The following CACNB1 variants were observed in gnomAD, a reference collection of about 807,000 sequenced individuals.
The protein encoded by CACNB1 is calcium voltage-gated channel auxiliary subunit beta 1, also known as voltage-dependent L-type calcium channel subunit beta-1.
Under a neutral mutation model 71.6 loss-of-function variants are expected in CACNB1, and 29 were observed. The ratio of observed to expected loss-of-function variants is 0.40; its 90% CI spans 0.30 to 0.55. The LOEUF is 0.55. CACNB1 is among the 20% of genes least tolerant of loss of function. The pLI, the probability that CACNB1 is intolerant of heterozygous loss-of-function variation, is 0.38. For synonymous variants in CACNB1, 300 were observed against 319.6 expected (o/e 0.94, Z 0.65); for missense variants, 623 against 801.8 (o/e 0.78, Z 2.69).
At chr17:39,177,255 T>C in intron 13 of CACNB1, 95 bp downstream of exon 13, 1 of 1,598,334 alleles carries the variant, frequency 6.3e-7, no homozygotes, top group Non-Finnish European at 8.5e-7. Flanking sequence ...CTACATGGCA[T>C]GTTCCTGCTC....
intron 11 of CACNB1, among the ~76,000 whole-genome samples, chr17:39,183,506 C>T (rs1031727554): frequency 2.6e-5 from 4 of 152,108 alleles, no homozygotes; most frequent in East Asian, 3.9e-4. Flanking sequence ...TAAATAATAG[C>T]TAACATGTTG....
chr17:39,178,359 A>G, intron 11 of CACNB1: 1 of 263,870 alleles, frequency 3.8e-6, no homozygotes, highest in South Asian at 7.9e-5. Flanking sequence ...CATTGTTTGT[A>G]GGCCCGCCCA....
intron 11 of CACNB1, among the ~76,000 whole-genome samples, chr17:39,180,521 G>C (rs983828148): frequency 1.3e-5 from 2 of 151,722 alleles, no homozygotes; most frequent in South Asian, 2.1e-4. Flanking sequence ...CAGGTGTGGT[G>C]GTGGGCGCCT....
At chr17:39,191,429 TG>T (rs2046078247) in intron 3 of CACNB1, 44 bp downstream of exon 3, 2 of 1,563,612 alleles carry the variant, frequency 1.3e-6, no homozygotes, top group East Asian at 4.6e-5. Flanking sequence ...AGCCCAGGAC[TG>T]GGGGAAATCA....
intron 2 of CACNB1, 94 bp from the exon 3 acceptor site, chr17:39,191,687 C>G (rs1028557657): frequency 1.5e-6 from 2 of 1,320,778 alleles, no homozygotes; most frequent in Non-Finnish European, 2.1e-6. Flanking sequence ...ATGGATGCCT[C>G]GAGCCCCAGC....
chr17:39,178,121 T>C (rs769209173), intron 11 of CACNB1, 42 bp from the exon 12 acceptor site: 1 of 1,441,568 alleles, frequency 6.9e-7, no homozygotes, highest in Non-Finnish European at 9.8e-7. Context: ...CTAGAGGGAC[T>C]CAGGCAATGC....
At chr17:39,184,980 G>T in intron 7 of CACNB1, 116 bp from the exon 8 acceptor site, 1 of 987,698 alleles carries the variant, frequency 1.0e-6, no homozygotes, top group Non-Finnish European at 1.6e-6. Flanking sequence ...GAGCCCAGAT[G>T]TAGGGATCAG....
rs1184338613 is a variant in CACNB1 at position 39,191,577 on chromosome 17, T to G, written c.188A>C (p.Tyr63Ser). The change falls in exon 3 of 14, where the codon TAC (tyrosine) becomes TCC (serine). Residue 63 changes from tyrosine to serine, a missense_variant. Transcript: ENST00000394303. ...ATCAGAGTCTGATGGACGGCTGGTG[T>G]AGGACTCCGCTGAGCCCTGAAAATA... ...SFVRQGSAES[Y>S]TSRPSDSDVS... 1 of 1,609,642 alleles carries G rather than the reference T, an allele frequency of 6.2e-7. No homozygotes were observed. The highest frequency in any genetic ancestry group is 2.3e-5 in the East Asian group (1 of 44,392).
chr17:39,191,632 C>T, intron 2 of CACNB1, 39 bp from the exon 3 acceptor site: 4 of 1,594,546 alleles, frequency 2.5e-6, no homozygotes, highest in Non-Finnish European at 3.4e-6. Flanking sequence ...CATTGCTGCC[C>T]CTCCCAGCTC....
intron 11 of CACNB1, among the ~76,000 whole-genome samples, chr17:39,182,199 G>A (rs1330902433): frequency 1.3e-5 from 2 of 150,860 alleles, no homozygotes; most frequent in African/African-American, 2.4e-5. Flanking sequence ...GTGTGTGCCC[G>A]TAATCCTAAC....
chr17:39,178,311 A>G (rs771289524), intron 11 of CACNB1: 105 of 404,100 alleles, frequency 2.6e-4, no homozygotes, highest in Non-Finnish European at 4.1e-4. Flanking sequence ...CTTAGGGGCT[A>G]TATGAAGGGC....
chr17:39,193,438 C>A, intron 2 of CACNB1: 1 of 452,450 alleles, frequency 2.2e-6, no homozygotes, highest in Non-Finnish European at 4.4e-6. Flanking sequence ...CCCACTCCAT[C>A]CCCAGCTCAC....
At chr17:39,182,998 TC>T in intron 11 of CACNB1, 4 of 973,638 alleles carry the variant, frequency 4.1e-6, no homozygotes, top group Non-Finnish European at 3.7e-6. Flanking sequence ...GTTTCTCAGA[TC>T]CCCACTGGCA....
intron 1 of CACNB1, 187 bp from the exon 2 acceptor site, chr17:39,195,157 G>T (rs2046177184): frequency 3.6e-6 from 2 of 555,082 alleles, no homozygotes; most frequent in Non-Finnish European, 6.4e-6. Flanking sequence ...TCACGGAGAG[G>T]GCCCAGAGCA....
chr17:39,184,302 A>G (rs1219574511), intron 9 of CACNB1, 23 bp downstream of exon 9: 4 of 1,495,748 alleles, frequency 2.7e-6, no homozygotes, highest in African/African-American at 1.4e-5. Context: ...GGCAGGTGCG[A>G]GGAGCAGCTC....
In CACNB1 at chr17:39,194,801, G is replaced by T; in HGVS notation, c.171+83C>A. ...ACAAATGGCACAGGGAAGGGTGCCT[G>T]GACAATACCGCAGACCTGGCTCACC... On this transcript the variant is annotated intron_variant, in intron 2 of 13. Coordinates refer to ENST00000394303, the MANE Select transcript of CACNB1 (RefSeq NM_000723.5). The surrounding 1 kb of genome is among the most constrained non-coding windows in gnomAD (Gnocchi z 4.6). 1.1e-6 allele frequency: 1 copy of T among 934,598 alleles called. No individual in the cohort carries two copies. Among genetic ancestry groups the T allele is most frequent in the Non-Finnish European group, 1.7e-6 (1 of 589,858 alleles). The allele number at this position is 934,598 out of a possible 1,614,324, so 57.9% of individuals were successfully genotyped here. A position where few individuals can be genotyped will look rare whatever the true frequency, so the allele number is the denominator to read the frequency against.
At chr17:39,181,664 C>A (rs939306546) in intron 11 of CACNB1, among the ~76,000 whole-genome samples, 3 of 152,134 alleles carry the variant, frequency 2.0e-5, no homozygotes, top group South Asian at 2.1e-4. Context: ...TTTCAACTCC[C>A]CTCAGGAAGT....
intron 4 of CACNB1, 116 bp from the exon 5 acceptor site, chr17:39,187,045 C>T (rs1300556645): frequency 4.6e-6 from 5 of 1,098,614 alleles, no homozygotes; most frequent in Non-Finnish European, 6.6e-6. Context: ...GGGTGGCACC[C>T]TCAAAAATCC....
intron 3 of CACNB1, among the ~76,000 whole-genome samples, chr17:39,189,603 A>G (rs2046023874): frequency 6.6e-6 from 1 of 150,654 alleles, no homozygotes; most frequent in Non-Finnish European, 1.5e-5. Flanking sequence ...GGTTCAAGCA[A>G]TTCTCCTGCC....
Sources: allele counts gnomAD v4.1 joint callset (sites outside exome capture counted in the v4.1 genomes callset), GRCh38; gene constraint gnomAD v4.1.1; non-coding constraint Gnocchi (gnomAD v3.1); transcripts MANE v1.5; gene names NCBI Gene and HGNC (gene_info 2026-07-23, HGNC 2026-07-21).